RIMS2: variants seen among roughly 807,000 people sequenced by gnomAD.
RIMS2 encodes regulating synaptic membrane exocytosis protein 2.
In RIMS2, 59 loss-of-function variants were observed where a neutral mutation model predicts 174.4. That is an observed-to-expected ratio of 0.34 (90% CI 0.27 to 0.42). The LOEUF is 0.42. Ranked by LOEUF, RIMS2 falls within the 10% of genes least tolerant of loss-of-function variation. RIMS2 has a pLI of 1.00. For missense variants in RIMS2, 1,620 were observed against 1,666.3 expected, an observed-to-expected ratio of 0.97 and a Z score of 0.48; for synonymous variants, 606 against 572.5, an observed-to-expected ratio of 1.06 and a Z score of -0.84.
intron 3 of RIMS2, among the ~76,000 whole-genome samples, chr8:103,871,234 C>A (rs1175612269): frequency 6.6e-6 from 1 of 152,092 alleles, no homozygotes; most frequent in Non-Finnish European, 1.5e-5. Context: ...CATGGTGAAA[C>A]CCCATCTGTA....
chr8:104,144,060 G>A (rs2098607859), intron 19 of RIMS2, among the ~76,000 whole-genome samples: 1 of 151,842 alleles, frequency 6.6e-6, no homozygotes, highest in Non-Finnish European at 1.5e-5. Flanking sequence ...ATCCCTATAT[G>A]CTATTTATGT....
chr8:103,881,393 A>G (rs908192096), intron 3 of RIMS2, among the ~76,000 whole-genome samples: 7 of 151,552 alleles, frequency 4.6e-5, no homozygotes, highest in African/African-American at 1.7e-4. Flanking sequence ...TTAGTAACAC[A>G]AATCACTTAA....
intron 19 of RIMS2, among the ~76,000 whole-genome samples, chr8:104,033,070 G>A (rs540620448): frequency 2.9e-4 from 44 of 152,050 alleles, no homozygotes; most frequent in Admixed American, 6.6e-4. Flanking sequence ...GAAAGATGGC[G>A]TAGTGCTAAT....
At chr8:104,014,412 A>G (rs1474198728) in intron 18 of RIMS2, 94 bp from the exon 21 acceptor site, 8 of 626,438 alleles carry the variant, frequency 1.3e-5, no homozygotes, top group Non-Finnish European at 2.2e-5. Flanking sequence ...TTCTTTTTAA[A>G]TTGTATTTAT....
chr8:104,065,627 G>A (rs951881446), intron 19 of RIMS2, among the ~76,000 whole-genome samples: 5 of 152,072 alleles, frequency 3.3e-5, no homozygotes, highest in African/African-American at 1.2e-4. Context: ...TAATTTTTGG[G>A]TAGGGAGACC....
intron 19 of RIMS2, among the ~76,000 whole-genome samples, chr8:104,158,080 A>T (rs1454311802): frequency 2.0e-5 from 3 of 152,090 alleles, no homozygotes; most frequent in African/African-American, 7.2e-5. Flanking sequence ...CCAGTGTATG[A>T]TGTTCCCCTC....
intron 1 of RIMS2, among the ~76,000 whole-genome samples, chr8:103,550,137 A>C (rs1847059108): frequency 6.6e-6 from 1 of 152,180 alleles, no homozygotes; most frequent in Non-Finnish European, 1.5e-5. Flanking sequence ...CTCCACCCCA[A>C]ATCAACAGAA....
chr8:103,923,304 T>G (rs2078084224), intron 10 of RIMS2, among the ~76,000 whole-genome samples: 2 of 151,846 alleles, frequency 1.3e-5, no homozygotes, highest in Non-Finnish European at 2.9e-5. Context: ...TGTGTCTGTG[T>G]GTATGTATAG....
chr8:103,948,847 A>G (rs952888103), intron 14 of RIMS2, among the ~76,000 whole-genome samples: 9 of 152,046 alleles, frequency 5.9e-5, no homozygotes, highest in Admixed American at 2.6e-4. Context: ...AGTCAAAGCC[A>G]GGCATGATGG....
intron 19 of RIMS2, among the ~76,000 whole-genome samples, chr8:104,210,176 G>T (rs991348597): frequency 3.9e-5 from 6 of 152,104 alleles, no homozygotes; most frequent in African/African-American, 1.4e-4. Flanking sequence ...AGAAAGCTGT[G>T]GAGAAAGTAA....
At chr8:103,919,989 A>G (rs1343208057) in intron 9 of RIMS2, among the ~76,000 whole-genome samples, 1 of 152,152 alleles carries the variant, frequency 6.6e-6, no homozygotes, top group Non-Finnish European at 1.5e-5. Context: ...TTTTTACAAC[A>G]ATCCTATGGG....
At chr8:104,023,735 T>C (rs896918806) in intron 19 of RIMS2, among the ~76,000 whole-genome samples, 1 of 152,120 alleles carries the variant, frequency 6.6e-6, no homozygotes, top group Non-Finnish European at 1.5e-5. Context: ...AATCTGGGAC[T>C]CATCCTTATA....
intron 4 of RIMS2, among the ~76,000 whole-genome samples, chr8:103,901,706 AG>A (rs2073164029): frequency 6.6e-6 from 1 of 152,168 alleles, no homozygotes; most frequent in African/African-American, 2.4e-5. Context: ...TTTTTAAAGA[AG>A]AATATGTTGG....
intron 1 of RIMS2, among the ~76,000 whole-genome samples, chr8:103,553,304 G>T (rs1405414150): frequency 6.6e-6 from 1 of 152,134 alleles, no homozygotes; most frequent in Admixed American, 6.6e-5. Context: ...TAGGGACATG[G>T]ATGAAGCTGG....
At chr8:104,088,375 T>A (rs2097573952) in intron 19 of RIMS2, among the ~76,000 whole-genome samples, 1 of 152,038 alleles carries the variant, frequency 6.6e-6, no homozygotes, top group African/African-American at 2.4e-5. Context: ...TCCCCTAGAT[T>A]GATACCAAGA....
chr8:104,124,395 T>C (rs149424599), intron 19 of RIMS2, among the ~76,000 whole-genome samples: 3 of 152,280 alleles, frequency 2.0e-5, no homozygotes, highest in Non-Finnish European at 1.5e-5. Context: ...ATTAAAAATA[T>C]ATCACTTGGT....
At chr8:104,070,939 G>A (rs1209814438) in intron 19 of RIMS2, among the ~76,000 whole-genome samples, 2 of 152,064 alleles carry the variant, frequency 1.3e-5, no homozygotes, top group South Asian at 4.1e-4. Context: ...CTAACAAGCA[G>A]CAAGTAAGTG....
chr8:104,251,491 C>T, intron 23 of RIMS2, 111 bp from the exon 30 acceptor site: 1 of 694,976 alleles, frequency 1.4e-6, no homozygotes, highest in Non-Finnish European at 2.5e-6. Context: ...TTAACTTGAT[C>T]TTTGATGTCA....
chr8:103,865,284 CTTTTTTT>C (rs67300843), intron 3 of RIMS2, among the ~76,000 whole-genome samples: 3 of 119,732 alleles, frequency 2.5e-5, no homozygotes, highest in Non-Finnish European at 3.3e-5. Flanking sequence ...CAGTTTTTTT[CTTTTTTT>C]TTTTTTTTTT....
Sources: gnomAD v4.1 joint callset for allele counts (sites outside exome capture counted in the v4.1 genomes callset) on GRCh38, gnomAD v4.1.1 for gene constraint, MANE v1.5 for transcripts, NCBI Gene and HGNC (gene_info 2026-07-23, HGNC 2026-07-21) for gene names.